The following SPATA9 variants were observed in gnomAD, a reference collection of about 807,000 sequenced individuals.
SPATA9 encodes the protein spermatogenesis associated 9.
Under a neutral mutation model 25.5 loss-of-function variants are expected in SPATA9, and 27 were observed. That is an observed-to-expected ratio of 1.06 (90% CI 0.78 to 1.46). SPATA9 has a LOEUF of 1.46. Among genes scored for constraint, SPATA9 ranks in the 40% most tolerant of loss-of-function variants. SPATA9 has a pLI of 0.00. For synonymous variants in SPATA9, 102 were observed against 105.7 expected (o/e 0.97, Z 0.21); for missense variants, 282 against 297.5 (o/e 0.95, Z 0.38).
chr5:95,708,943 G>A, the SPATA9 span: 7 of 258,832 alleles, frequency 2.7e-5, no homozygotes, highest in South Asian at 5.8e-5. Context: ...AGTTTCACCC[G>A]ACTTAGGCGC....
the SPATA9 span, among the ~76,000 whole-genome samples, chr5:95,713,164 A>T: frequency 6.6e-6 from 1 of 152,084 alleles, no homozygotes; most frequent in East Asian, 1.9e-4. Flanking sequence ...CATGTCCCAG[A>T]CCTTTTTTTA....
At chr5:95,686,892 C>T (rs974095135), upstream of SPATA9, among the ~76,000 whole-genome samples, 4 of 152,272 alleles carry the variant, frequency 2.6e-5, no homozygotes, top group East Asian at 1.9e-4. Flanking sequence ...AAGTAGTCTT[C>T]CTAAACTTTC....
At chr5:95,687,619 T>C (rs1480349311), upstream of SPATA9, among the ~76,000 whole-genome samples, 2 of 152,210 alleles carry the variant, frequency 1.3e-5, no homozygotes, top group African/African-American at 4.8e-5. Context: ...ACAATTCCAG[T>C]TGGGTACCAT....
At chr5:95,710,065 C>G in the SPATA9 span, among the ~76,000 whole-genome samples, 2 of 152,114 alleles carry the variant, frequency 1.3e-5, no homozygotes, top group African/African-American at 4.8e-5. Flanking sequence ...TGAGTGAGGG[C>G]CATCAATTCA....
chr5:95,718,805 A>G, the SPATA9 span, among the ~76,000 whole-genome samples: 3 of 152,188 alleles, frequency 2.0e-5, no homozygotes, highest in Admixed American at 2.0e-4. Context: ...TGGATAGGGA[A>G]GAAAACGAAG....
chr5:95,661,333 T>C (rs1432286290), intron 4 of SPATA9, among the ~76,000 whole-genome samples: 1 of 152,118 alleles, frequency 6.6e-6, no homozygotes, highest in Non-Finnish European at 1.5e-5. Context: ...CTTGATATGG[T>C]TCCACTCGTA....
intron 1 of SPATA9, among the ~76,000 whole-genome samples, chr5:95,694,557 T>A (rs1342072071): frequency 6.6e-6 from 1 of 152,196 alleles, no homozygotes; most frequent in Non-Finnish European, 1.5e-5. Context: ...GCCAGCAAGT[T>A]GATGATGATA....
At position 95,664,059 on chromosome 5, in the gene SPATA9, A is replaced by G; in HGVS notation, c.379-11T>C. 6.7e-7 allele frequency: 1 copy of G among 1,500,822 alleles called. No homozygotes were observed. Among genetic ancestry groups the G allele is most frequent in the Non-Finnish European group, 9.0e-7 (1 of 1,110,240 alleles). The allele number at this position is 1,500,822 out of a possible 1,614,324, so 93.0% of individuals were successfully genotyped here. A position where few individuals can be genotyped will look rare whatever the true frequency, so the allele number is the denominator to read the frequency against. ...AGAACCCTTTCTGACCTGCAAAAAC[A>G]GAAAAGATTTTCTTAATAAACAAAC... On this transcript the variant is annotated splice_polypyrimidine_tract_variant and intron_variant, in intron 3 of 4. Coordinates refer to ENST00000274432, the MANE Select transcript of SPATA9 (RefSeq NM_031952.4).
At chr5:95,708,872 G>A in the SPATA9 span, 4 of 493,188 alleles carry the variant, frequency 8.1e-6, no homozygotes, top group Non-Finnish European at 1.4e-5. Flanking sequence ...GAGTAGGAAG[G>A]CACGGAGGAC....
chr5:95,701,650 C>T (rs533074383), upstream of SPATA9, among the ~76,000 whole-genome samples: 3 of 151,368 alleles, frequency 2.0e-5, no homozygotes, highest in African/African-American at 7.3e-5. Context: ...ATACTAGATC[C>T]CCCCAACAGG....
At chr5:95,654,345 C>T (rs756991058), downstream of SPATA9, 2 of 1,608,184 alleles carry the variant, frequency 1.2e-6, no homozygotes, top group Admixed American at 1.7e-5. Flanking sequence ...TCAGGAGGAC[C>T]TTTACATTTG....
chr5:95,653,985 C>T (rs1750540606), downstream of SPATA9: 1 of 1,235,240 alleles, frequency 8.1e-7, no homozygotes, highest in Non-Finnish European at 1.1e-6. Context: ...ACTATTCATT[C>T]TTAGGGTTAT....
the SPATA9 span, among the ~76,000 whole-genome samples, chr5:95,729,475 T>G: frequency 6.6e-6 from 1 of 152,212 alleles, no homozygotes; most frequent in African/African-American, 2.4e-5. Context: ...TATTTTTATA[T>G]TGTCATAAAA....
chr5:95,717,193 C>G, the SPATA9 span: 1 of 152,204 alleles, frequency 6.6e-6, no homozygotes, highest in Non-Finnish European at 1.5e-5. Flanking sequence ...AAGGCCTTAA[C>G]AGAATAAAGA....
At chr5:95,731,526 G>T in the SPATA9 span, 1 of 1,302,274 alleles carries the variant, frequency 7.7e-7, no homozygotes, top group Non-Finnish European at 9.7e-7. Flanking sequence ...GCGCGGCCCC[G>T]GCCCCGCTCT....
downstream of SPATA9, chr5:95,656,846 A>G (rs1317372165): frequency 1.3e-5 from 2 of 152,632 alleles, no homozygotes; most frequent in Non-Finnish European, 2.9e-5. Flanking sequence ...TTATTTTTAC[A>G]TTTTTAGGAA....
chr5:95,728,658 T>C, the SPATA9 span, among the ~76,000 whole-genome samples: 1 of 152,180 alleles, frequency 6.6e-6, no homozygotes, highest in Non-Finnish European at 1.5e-5. Context: ...CTAATTAATA[T>C]GTCAGAGGGG....
upstream of SPATA9, among the ~76,000 whole-genome samples, chr5:95,700,718 T>A (rs1403650581): frequency 1.3e-5 from 2 of 152,128 alleles, no homozygotes; most frequent in Non-Finnish European, 2.9e-5. Flanking sequence ...TGAGGCACTG[T>A]GCCCGGCCCC....
In SPATA9 at chr5:95,658,812, G is replaced by A. The variant is rs750070804; in HGVS notation, c.576C>T (p.Ala192=). Reference sequence around the variant, plus strand: ...GCTCCGAAAGCACAGGCTCAGAAAAGGCTTTTCTACAATTTTCACTCTCCT... The same window carrying A: ...GCTCCGAAAGCACAGGCTCAGAAAAAGCTTTTCTACAATTTTCACTCTCCT... ...NREESENCRK[A]FSEPVLSEPM... The change falls in exon 5 of 5, where the codon GCC becomes GCT. Residue 192 remains alanine, a synonymous_variant. Transcript: ENST00000274432. 3 of 1,613,772 alleles carry A rather than the reference G, an allele frequency of 1.9e-6. No individual in the cohort carries two copies. The highest frequency in any genetic ancestry group is 2.5e-6 in the Non-Finnish European group (3 of 1,179,912).
Sources: gnomAD v4.1 joint callset for allele counts (sites outside exome capture counted in the v4.1 genomes callset) on GRCh38, gnomAD v4.1.1 for gene constraint, MANE v1.5 for transcripts, NCBI Gene and HGNC (gene_info 2026-07-23, HGNC 2026-07-21) for gene names.